GSAP: variants seen among roughly 807,000 people sequenced by gnomAD.
GSAP encodes the protein gamma-secretase-activating protein.
In GSAP, 118 loss-of-function variants were observed where a neutral mutation model predicts 131.7. The ratio of observed to expected loss-of-function variants is 0.90; its 90% CI spans 0.77 to 1.04. GSAP has a LOEUF of 1.04. Ranked by LOEUF, GSAP falls within the 50% of genes least tolerant of loss-of-function variation. GSAP has a pLI of 0.00. For synonymous variants in GSAP, 381 were observed against 363.4 expected, an observed-to-expected ratio of 1.05 and a Z score of -0.55; for missense variants, 1,019 against 1,013.2, an observed-to-expected ratio of 1.01 and a Z score of -0.08.
At chr7:77,345,444 A>G (rs1791651838) in intron 19 of GSAP, among the ~76,000 whole-genome samples, 3 of 152,244 alleles carry the variant, frequency 2.0e-5, no homozygotes. Flanking sequence ...ATATAAGAAG[A>G]CAGGACTATC....
At chr7:77,391,949 G>C (rs944436789) in intron 5 of GSAP, among the ~76,000 whole-genome samples, 1 of 152,222 alleles carries the variant, frequency 6.6e-6, no homozygotes, top group African/African-American at 2.4e-5. Flanking sequence ...TGATGGCCGG[G>C]AGTGGTGGCT....
chr7:77,403,818 G>C (rs1801790629), intron 3 of GSAP, among the ~76,000 whole-genome samples: 1 of 152,194 alleles, frequency 6.6e-6, no homozygotes, highest in Non-Finnish European at 1.5e-5. Flanking sequence ...AATAGTCCTT[G>C]CATTTTTTGT....
chr7:77,346,638 A>C (rs2150801996), intron 19 of GSAP, among the ~76,000 whole-genome samples: 1 of 151,878 alleles, frequency 6.6e-6, no homozygotes, highest in African/African-American at 2.4e-5. Flanking sequence ...TGAGCCCAGG[A>C]GTTCAAGGTT....
chr7:77,402,616 A>AAAAAAAAAAAAAAAAAAAAAAG lies in GSAP; in HGVS notation c.243+1942_243+1943insCTTTTTTTTTTTTTTTTTTTTT, dbSNP rs375595494. On this transcript the variant is annotated intron_variant, in intron 3 of 30. Coordinates refer to ENST00000257626, the MANE Select transcript of GSAP (RefSeq NM_017439.4). ...CTCAAAAAAAAAAAAAAAAAAAAAA[A>AAAAAAAAAAAAAAAAAAAAAAG]GAATTTTAAAGCCCATCTAGATTTG... Among the ~76,000 whole-genome samples the AAAAAAAAAAAAAAAAAAAAAAG allele has an allele frequency of 3.7e-5, 3 of 80,422 alleles. 1 individual carries two copies. The highest frequency in any genetic ancestry group is 5.4e-5 in the Non-Finnish European group (2 of 36,856). The allele number at this position is 80,422 out of a possible 152,430, so 52.8% of individuals were successfully genotyped here.
At chr7:77,339,448 C>A (rs1305656485) in intron 19 of GSAP, among the ~76,000 whole-genome samples, 1 of 152,258 alleles carries the variant, frequency 6.6e-6, no homozygotes, top group East Asian at 1.9e-4. Flanking sequence ...TACACCTCTG[C>A]CTTCCTTGAT....
intron 13 of GSAP, 41 bp from the exon 14 acceptor site, chr7:77,360,942 G>T (rs775165076): frequency 8.8e-7 from 1 of 1,138,422 alleles, no homozygotes; most frequent in Non-Finnish European, 1.3e-6. Context: ...GTTAAACAAA[G>T]AACTGGAACT....
intron 19 of GSAP, among the ~76,000 whole-genome samples, chr7:77,332,982 C>T (rs1789386237): frequency 6.6e-6 from 1 of 152,132 alleles, no homozygotes; most frequent in Admixed American, 6.5e-5. Flanking sequence ...TCCTGGCCAA[C>T]ATGATGAAAC....
At chr7:77,342,726 C>T (rs1791177310) in intron 19 of GSAP, among the ~76,000 whole-genome samples, 1 of 152,172 alleles carries the variant, frequency 6.6e-6, no homozygotes, top group Admixed American at 6.5e-5. Flanking sequence ...AGCCTGTTAT[C>T]ACTTGCCTAT....
chr7:77,313,692 A>G (rs571575357), intron 27 of GSAP, 143 bp from the exon 28 acceptor site: 175 of 493,512 alleles, frequency 3.5e-4, no homozygotes, highest in Middle Eastern at 3.2e-3. Flanking sequence ...CATTTTGGAA[A>G]TTTTACTCTG....
chr7:77,316,575 C>T (rs1313382167), intron 26 of GSAP, among the ~76,000 whole-genome samples: 3 of 152,158 alleles, frequency 2.0e-5, no homozygotes, highest in Non-Finnish European at 2.9e-5. Flanking sequence ...AAATTCTTCA[C>T]AAAACTATTA....
chr7:77,338,813 C>T (rs1346652437), intron 19 of GSAP, among the ~76,000 whole-genome samples: 1 of 152,166 alleles, frequency 6.6e-6, no homozygotes, highest in East Asian at 1.9e-4. Context: ...CAGACCATAG[C>T]AATATTGCAA....
intron 12 of GSAP, among the ~76,000 whole-genome samples, chr7:77,365,898 G>GTTTTTT (rs35007328): frequency 0.012 from 1,370 of 114,836 alleles, no homozygotes; most frequent in Non-Finnish European, 0.015. Context: ...GCAACTGTGG[G>GTTTTTT]TTTTTTTTTT....
Position 77,406,038 on chromosome 7 carries a change from A to G in GSAP, c.177T>C (p.Tyr59=). 1 of 978,080 alleles carries G rather than the reference A, an allele frequency of 1.0e-6. No homozygotes were observed. Among genetic ancestry groups the G allele is most frequent in the Non-Finnish European group, 1.4e-6 (1 of 704,120 alleles). 60.6% of individuals were successfully genotyped at this position (978,080 alleles called of 1,614,324 possible). The part of the protein sequence containing the change: ...LNVERNGNII[Y]TYKDDKGNVV... ...AAGAATATAGACATACCTTATAGGT[A>G]TAAATAATATTTCCATTTCTTTCAA... The change falls in exon 2 of 31, where the codon TAT becomes TAC. Residue 59 remains tyrosine, a synonymous_variant. Transcript: ENST00000257626.
At position 77,355,315 on chromosome 7, in the gene GSAP, A is replaced by G. The variant is rs1193492367; in HGVS notation, c.1236T>C (p.Ser412=). The change falls in exon 16 of 31, where the codon TCT becomes TCC. Residue 412 remains serine, a synonymous_variant. Coordinates refer to ENST00000257626, the MANE Select transcript of GSAP (RefSeq NM_017439.4). ...KLYRALLSQS[S]LLQLLQNTCL... is the part of the protein sequence containing the mutation. ...AAGTGTTCTGCAGAAGCTGTAATAA[A>G]GACGACTGGCTGAGCAGTGCTCTAT... is the stretch of plus-strand genomic sequence containing the variant. The G allele has an allele frequency of 2.5e-6, 4 of 1,613,718 alleles. No homozygotes were observed. Among genetic ancestry groups the G allele is most frequent in the Non-Finnish European group, 3.4e-6 (4 of 1,179,754 alleles).
chr7:77,406,349 T>A (rs1232832975), intron 1 of GSAP, among the ~76,000 whole-genome samples: 1 of 152,220 alleles, frequency 6.6e-6, no homozygotes. Context: ...TAATGTTAAA[T>A]GTTTTGGGTA....
At chr7:77,359,030 CA>C (rs1794158591) in intron 14 of GSAP, among the ~76,000 whole-genome samples, 1 of 151,948 alleles carries the variant, frequency 6.6e-6, no homozygotes, top group African/African-American at 2.4e-5. Context: ...ACTGAAACTA[CA>C]AAATAATTAG....
intron 26 of GSAP, among the ~76,000 whole-genome samples, chr7:77,320,096 CT>C (rs1488713927): frequency 6.6e-6 from 1 of 152,126 alleles, no homozygotes; most frequent in Non-Finnish European, 1.5e-5. Context: ...CTAACAGGGG[CT>C]TATTTCTCAT....
chr7:77,363,690 A>G (rs1057047821), intron 12 of GSAP, among the ~76,000 whole-genome samples: 3 of 152,238 alleles, frequency 2.0e-5, no homozygotes, highest in African/African-American at 2.4e-5. Context: ...TTTTAATGAC[A>G]TTTAACACTG....
At chr7:77,328,282 C>T in intron 22 of GSAP, 1 of 1,095,982 alleles carries the variant, frequency 9.1e-7, no homozygotes, top group African/African-American at 1.6e-5. Flanking sequence ...CAAGCAGCAC[C>T]AAGCCAAGGG....
Sources: allele counts gnomAD v4.1 joint callset (sites outside exome capture counted in the v4.1 genomes callset), GRCh38; gene constraint gnomAD v4.1.1; transcripts MANE v1.5; gene names NCBI Gene and HGNC (gene_info 2026-07-23, HGNC 2026-07-21).